Variants in PTPRD observed in about 807,000 individuals in gnomAD.
PTPRD encodes receptor-type tyrosine-protein phosphatase delta.
In PTPRD, 34 loss-of-function variants were observed where a neutral mutation model predicts 214.5. The ratio of observed to expected loss-of-function variants is 0.16; its 90% CI spans 0.12 to 0.21. The LOEUF is 0.21. Among genes scored for constraint, PTPRD ranks in the 10% least tolerant of loss-of-function variants. The pLI is 1.00. For missense variants in PTPRD, 2,545 were observed against 2,398.7 expected (o/e 1.06, Z -1.27); for synonymous variants, 1,128 against 845.7 (o/e 1.33, Z -5.79).
intron 4 of PTPRD, 145 bp from the exon 5 acceptor site, chr9:9,938,755 T>A (rs1022421643): frequency 1.3e-5 from 2 of 152,178 alleles, no homozygotes; most frequent in Non-Finnish European, 2.9e-5. Flanking sequence ...TCTTCACCTC[T>A]ATAATTTACA....
chr9:9,606,257 A>C (rs184628495), intron 7 of PTPRD, among the ~76,000 whole-genome samples: 1 of 152,254 alleles, frequency 6.6e-6, no homozygotes, highest in African/African-American at 2.4e-5. Context: ...TGGAGATGTC[A>C]TTAACAACAG....
At chr9:9,542,499 A>G (rs1569569145) in intron 8 of PTPRD, among the ~76,000 whole-genome samples, 1 of 151,852 alleles carries the variant, frequency 6.6e-6, no homozygotes, top group Admixed American at 6.6e-5. Context: ...TCATCAAAAG[A>G]TATCATTAAA....
chr9:9,913,664 G>A (rs1388237987), intron 5 of PTPRD, among the ~76,000 whole-genome samples: 1 of 152,114 alleles, frequency 6.6e-6, no homozygotes, highest in African/African-American at 2.4e-5. Context: ...CCAGGAAAAG[G>A]TAAGCAGAAG....
At chr9:8,705,548 T>C (rs1274701419) in intron 12 of PTPRD, among the ~76,000 whole-genome samples, 1 of 152,236 alleles carries the variant, frequency 6.6e-6, no homozygotes, top group East Asian at 1.9e-4. Context: ...ATTTTCCATT[T>C]CTAAACCAAC....
intron 2 of PTPRD, among the ~76,000 whole-genome samples, chr9:10,482,710 T>C (rs972110166): frequency 2.0e-5 from 3 of 152,090 alleles, no homozygotes; most frequent in African/African-American, 7.2e-5. Flanking sequence ...CAATCCCTTT[T>C]ACAACAGGTA....
At chr9:8,417,360 T>A (rs2131371764) in intron 35 of PTPRD, among the ~76,000 whole-genome samples, 1 of 152,228 alleles carries the variant, frequency 6.6e-6, no homozygotes, top group Non-Finnish European at 1.5e-5. Context: ...GAGAGAAAGC[T>A]GATGCACATT....
chr9:9,234,269 T>TG (rs1243023128), intron 9 of PTPRD, among the ~76,000 whole-genome samples: 1 of 152,218 alleles, frequency 6.6e-6, no homozygotes, highest in African/African-American at 2.4e-5. Context: ...TGCTATACCT[T>TG]GGCCCCTTTT....
At chr9:10,225,606 G>C (rs1326773900) in intron 3 of PTPRD, among the ~76,000 whole-genome samples, 1 of 152,006 alleles carries the variant, frequency 6.6e-6, no homozygotes, top group Non-Finnish European at 1.5e-5. Flanking sequence ...GTTGTGCTGA[G>C]ACTTGATTCA....
intron 7 of PTPRD, among the ~76,000 whole-genome samples, chr9:9,711,528 G>A (rs1159186852): frequency 6.6e-6 from 1 of 152,082 alleles, no homozygotes; most frequent in Non-Finnish European, 1.5e-5. Context: ...TTAATATCTT[G>A]TTTTAATGAT....
intron 8 of PTPRD, among the ~76,000 whole-genome samples, chr9:9,487,330 G>A (rs1165016022): frequency 3.3e-5 from 5 of 151,742 alleles, no homozygotes; most frequent in South Asian, 2.1e-4. Context: ...TTGTCCTTGC[G>A]ATAGTTTGCT....
chr9:9,660,818 C>T (rs2096608547), intron 7 of PTPRD, among the ~76,000 whole-genome samples: 1 of 151,940 alleles, frequency 6.6e-6, no homozygotes, highest in Admixed American at 6.6e-5. Flanking sequence ...CAAATAACCT[C>T]ATAAGTTATT....
At chr9:9,147,520 A>G (rs1386301456) in intron 10 of PTPRD, among the ~76,000 whole-genome samples, 4 of 152,284 alleles carry the variant, frequency 2.6e-5, no homozygotes, top group South Asian at 2.1e-4. Context: ...TTACATTTAA[A>G]AAGTGATTAA....
intron 7 of PTPRD, among the ~76,000 whole-genome samples, chr9:9,644,078 C>A (rs892981311): frequency 6.6e-6 from 1 of 152,030 alleles, no homozygotes; most frequent in African/African-American, 2.4e-5. Context: ...TTTTTCTGTA[C>A]AACTATAAGT....
At chr9:9,835,431 G>C (rs1172511671) in intron 5 of PTPRD, among the ~76,000 whole-genome samples, 1 of 152,122 alleles carries the variant, frequency 6.6e-6, no homozygotes, top group Non-Finnish European at 1.5e-5. Flanking sequence ...AAAGGTGGCA[G>C]TGCAAGAATC....
intron 11 of PTPRD, among the ~76,000 whole-genome samples, chr9:8,804,881 T>C (rs573955198): frequency 1.3e-5 from 2 of 152,276 alleles, no homozygotes; most frequent in African/African-American, 2.4e-5. Flanking sequence ...TAATGTGATG[T>C]TTTAACACCT....
intron 6 of PTPRD, among the ~76,000 whole-genome samples, chr9:9,755,190 A>G (rs1399929192): frequency 6.6e-6 from 1 of 152,000 alleles, no homozygotes; most frequent in African/African-American, 2.4e-5. Flanking sequence ...AGGCAAATGA[A>G]AAGAGTACAG....
At chr9:8,382,680 T>C (rs2085501206) in intron 37 of PTPRD, among the ~76,000 whole-genome samples, 1 of 152,242 alleles carries the variant, frequency 6.6e-6, no homozygotes, top group East Asian at 1.9e-4. Flanking sequence ...ATCCTTTAGA[T>C]TGCCAACATG....
intron 5 of PTPRD, among the ~76,000 whole-genome samples, chr9:9,858,296 T>C (rs530801408): frequency 6.6e-6 from 1 of 152,328 alleles, no homozygotes; most frequent in Admixed American, 6.5e-5. Flanking sequence ...ATTTTTGCTT[T>C]GTATTTAGCC....
At position 9,950,507 on chromosome 9, in the gene PTPRD, G is replaced by A. The variant is rs1289466064; in HGVS notation, c.-471-11897C>T. On this transcript the variant is annotated intron_variant, in intron 4 of 45. Transcript: ENST00000381196. The stretch of plus-strand genomic sequence containing the variant: ...TGGGAGGCCGAGGCGGGCGGATCAC[G>A]AGGTCAGGAGATCGAGACCATCCTG... Among the ~76,000 whole-genome samples, 10 of 35,208 alleles carry A rather than the reference G, an allele frequency of 2.8e-4. 5 individuals are homozygous for A. The African/African-American group carries it at 5.6e-3, about 20-fold the overall frequency. 23.1% of individuals were successfully genotyped at this position (35,208 alleles called of 152,430 possible). A position where few individuals can be genotyped will look rare whatever the true frequency, so the allele number is the denominator to read the frequency against.
Sources: gnomAD v4.1 joint callset for allele counts (sites outside exome capture counted in the v4.1 genomes callset) on GRCh38, gnomAD v4.1.1 for gene constraint, MANE v1.5 for transcripts, NCBI Gene and HGNC (gene_info 2026-07-23, HGNC 2026-07-21) for gene names.